UGGT2: variants seen among roughly 807,000 people sequenced by gnomAD.
The protein encoded by UGGT2 is UDP-glucose glycoprotein glucosyltransferase 2.
Under a neutral mutation model 192.1 loss-of-function variants are expected in UGGT2, and 180 were observed. The observed-to-expected ratio is 0.94, with a 90% CI of 0.83 to 1.06. The LOEUF (loss-of-function observed/expected upper bound fraction) is 1.06, where lower values mean the gene tolerates loss of function less well. Ranked by LOEUF, UGGT2 falls within the 50% of genes least tolerant of loss-of-function variation. UGGT2 has a pLI of 0.00. For missense variants in UGGT2, 1,849 were observed against 1,795.7 expected (o/e 1.03, Z -0.54); for synonymous variants, 580 against 591.0 (o/e 0.98, Z 0.27).
intron 12 of UGGT2, among the ~76,000 whole-genome samples, chr13:95,955,842 CA>C (rs2050197483): frequency 6.6e-6 from 1 of 152,180 alleles, no homozygotes; most frequent in Non-Finnish European, 1.5e-5. Flanking sequence ...AATGTTTAAA[CA>C]GATGCAGTAA....
At chr13:96,023,225 A>C in intron 3 of UGGT2, 73 bp from the exon 4 acceptor site, 1 of 1,272,980 alleles carries the variant, frequency 7.9e-7, no homozygotes, top group Non-Finnish European at 1.1e-6. Context: ...CTCACACATT[A>C]CTTTGATTAA....
chr13:95,865,834 T>C (rs748475624), intron 30 of UGGT2, among the ~76,000 whole-genome samples: 5 of 152,240 alleles, frequency 3.3e-5, no homozygotes, highest in Non-Finnish European at 7.3e-5. Context: ...TTTACTTTTA[T>C]TTATCCAACA....
In UGGT2 at chr13:95,901,491, TTCTC is replaced by T. The variant is rs567461076; in HGVS notation, c.2503-557_2503-554del. Among the ~76,000 whole-genome samples the T allele has an allele frequency of 5.4e-4, 82 of 152,170 alleles. 1 individual carries two copies. Among genetic ancestry groups the T allele is most frequent in the African/African-American group, 1.9e-3 (78 of 41,540 alleles). On this transcript the variant is annotated intron_variant, in intron 21 of 38. Coordinates refer to ENST00000376747, the MANE Select transcript of UGGT2 (RefSeq NM_020121.4). The stretch of plus-strand genomic sequence containing the variant: ...ATTGCACCTTCATACTAAGGTACAT[TTCTC>T]TCTCTCAGTACTTCTCAAACTTTAA...
In UGGT2 at chr13:95,932,495, C is replaced by T. The variant is rs149410190; in HGVS notation, c.1977+4429G>A. On this transcript the variant is annotated intron_variant, in intron 17 of 38. Transcript: ENST00000376747. Reference sequence around the variant, plus strand: ...TAATTTATCAGTTCTAGGAGTTGTCCGGTGGAGTCTTTAGGGTTTTCTAGG... The same window carrying T: ...TAATTTATCAGTTCTAGGAGTTGTCTGGTGGAGTCTTTAGGGTTTTCTAGG... 3.2e-3 allele frequency among the ~76,000 whole-genome samples: 492 copies of T among 152,124 alleles called. 3 individuals are homozygous for T. Among genetic ancestry groups the T allele is most frequent in the African/African-American group, 0.011 (463 of 41,472 alleles).
chr13:95,844,937 C>T (rs1888242827), intron 36 of UGGT2, among the ~76,000 whole-genome samples: 1 of 152,050 alleles, frequency 6.6e-6, no homozygotes, highest in Admixed American at 6.5e-5. Context: ...TTCATAGATG[C>T]CCTTTATCAG....
chr13:96,007,572 CTGTT>C (rs2052021456), intron 5 of UGGT2, among the ~76,000 whole-genome samples: 1 of 152,148 alleles, frequency 6.6e-6, no homozygotes, highest in African/African-American at 2.4e-5. Flanking sequence ...CACCAAAAAA[CTGTT>C]TGAACCAATA....
rs570205670 is a variant in UGGT2, at chr13:95,827,979, T to C, written c.4528+4948A>G. 5.9e-5 allele frequency among the ~76,000 whole-genome samples: 9 copies of C among 152,288 alleles called. No homozygotes were observed. The East Asian group carries it at 1.7e-3, about 29-fold the overall frequency. ...ATCTCCCTATACCACGACTTCACCT[T>C]GCACTCTTCGACCAATCAATGCTCT... On this transcript the variant is annotated intron_variant, in intron 38 of 38. Coordinates refer to ENST00000376747, the MANE Select transcript of UGGT2 (RefSeq NM_020121.4).
At chr13:95,922,173 G>A (rs1457932563) in intron 20 of UGGT2, among the ~76,000 whole-genome samples, 4 of 152,222 alleles carry the variant, frequency 2.6e-5, no homozygotes, top group Non-Finnish European at 5.9e-5. Context: ...CTCGGCTGGA[G>A]GCCATTATTT....
chr13:95,852,779 TG>T (rs1276815339), intron 36 of UGGT2, among the ~76,000 whole-genome samples: 1 of 152,084 alleles, frequency 6.6e-6, no homozygotes, highest in African/African-American at 2.4e-5. Context: ...AAATAGTGCT[TG>T]TGAGGTGAAA....
chr13:95,868,140 T>C (rs968847114), intron 29 of UGGT2, among the ~76,000 whole-genome samples: 1 of 152,194 alleles, frequency 6.6e-6, no homozygotes, highest in Non-Finnish European at 1.5e-5. Context: ...TTTTGAGTTG[T>C]TATATATAAT....
Position 95,895,306 on chromosome 13 carries a change from T to G in UGGT2, c.2635-2A>C, listed in dbSNP as rs2047916092. The G allele has an allele frequency of 7.1e-7, 1 of 1,418,216 alleles. No homozygotes were observed. The highest frequency in any genetic ancestry group is 2.3e-5 in the Admixed American group (1 of 42,748). The allele number at this position is 1,418,216 out of a possible 1,614,324, so 87.9% of individuals were successfully genotyped here. ...ATCTTCATCTAAAGGTCCTAAGAAC[T>G]TAAAATAAAAACAGTTATATTATCA... On this transcript the variant is annotated splice_acceptor_variant, in intron 22 of 38. Coordinates refer to ENST00000376747, the MANE Select transcript of UGGT2 (RefSeq NM_020121.4). LOFTEE classifies it high-confidence loss of function.
intron 6 of UGGT2, 122 bp downstream of exon 6, chr13:95,999,089 C>G (rs1472672388): frequency 3.6e-6 from 2 of 561,910 alleles, no homozygotes; most frequent in Non-Finnish European, 6.1e-6. Flanking sequence ...AGAATATGTC[C>G]ACCCCATCTC....
intron 27 of UGGT2, among the ~76,000 whole-genome samples, chr13:95,880,208 T>A (rs1008332065): frequency 3.3e-5 from 5 of 152,188 alleles, no homozygotes; most frequent in African/African-American, 7.2e-5. Flanking sequence ...AAGATCAACA[T>A]TTGGGTTTGT....
In UGGT2 at chr13:95,927,221, G is replaced by C; in HGVS notation, c.2093C>G (p.Ser698Cys). 1.9e-6 allele frequency: 3 copies of C among 1,611,398 alleles called. No individual in the cohort carries two copies. Among genetic ancestry groups the C allele is most frequent in the South Asian group, 2.2e-5 (2 of 90,908 alleles). Residue 698 changes from serine (S) to cysteine (C), a missense_variant, in exon 18 of 39, where the codon TCT becomes TGT. Coordinates refer to ENST00000376747, the MANE Select transcript of UGGT2 (RefSeq NM_020121.4). ...RTNQQYLNLI[S>C]TSVTADVEDF... ...GTATAGGATTATTTTACCTGATGTA[G>C]ATATTAAATTGAGGTACTGCTGGTT... is the stretch of plus-strand genomic sequence containing the variant.
At chr13:96,036,735 AG>A (rs1252302284) in intron 1 of UGGT2, among the ~76,000 whole-genome samples, 1 of 152,192 alleles carries the variant, frequency 6.6e-6, no homozygotes, top group Admixed American at 6.5e-5. Flanking sequence ...ACCTGGTAAA[AG>A]GTAAGATATT....
At chr13:95,803,844 G>A (rs1222075420) in intron 38 of UGGT2, among the ~76,000 whole-genome samples, 1 of 152,080 alleles carries the variant, frequency 6.6e-6, no homozygotes, top group African/African-American at 2.4e-5. Flanking sequence ...AGATCTCCAG[G>A]TTTTTGAGGA....
intron 36 of UGGT2, among the ~76,000 whole-genome samples, chr13:95,841,810 A>G (rs1887895109): frequency 6.6e-5 from 10 of 152,164 alleles, no homozygotes. Flanking sequence ...TAAGAGTTTT[A>G]CGGTTTTAGT....
chr13:95,911,071 G>C (rs2048478234), intron 20 of UGGT2, among the ~76,000 whole-genome samples: 1 of 152,138 alleles, frequency 6.6e-6, no homozygotes, highest in African/African-American at 2.4e-5. Flanking sequence ...CAGAATCTTT[G>C]GGACACATTT....
intron 36 of UGGT2, among the ~76,000 whole-genome samples, chr13:95,853,238 C>A (rs527352461): frequency 6.6e-6 from 1 of 152,226 alleles, no homozygotes; most frequent in African/African-American, 2.4e-5. Flanking sequence ...TTATAAATTA[C>A]CCAGTCTTGG....
Sources: allele counts gnomAD v4.1 joint callset (sites outside exome capture counted in the v4.1 genomes callset), GRCh38; gene constraint gnomAD v4.1.1; transcripts MANE v1.5; gene names NCBI Gene and HGNC (gene_info 2026-07-23, HGNC 2026-07-21).